BCAP29: variants seen among roughly 807,000 people sequenced by gnomAD.
BCAP29 encodes the protein B-cell receptor-associated protein 29.
BCAP29 carries 34 observed loss-of-function variants against 31.8 expected under a neutral mutation model. The observed-to-expected ratio is 1.07, with a 90% CI of 0.81 to 1.42. BCAP29 has a LOEUF of 1.42. Ranked by LOEUF, BCAP29 falls within the 40% of genes most tolerant of loss-of-function variation. The pLI is 0.00. For synonymous variants in BCAP29, 104 were observed against 91.3 expected, an observed-to-expected ratio of 1.14 and a Z score of -0.79; for missense variants, 314 against 269.2, an observed-to-expected ratio of 1.17 and a Z score of -1.16.
At chr7:107,607,527 C>T (rs1025655469) in intron 6 of BCAP29, among the ~76,000 whole-genome samples, 4 of 151,994 alleles carry the variant, frequency 2.6e-5, no homozygotes, top group African/African-American at 9.7e-5. Flanking sequence ...ATAACTTTTA[C>T]TATATCATAT....
At chr7:107,585,786 T>G (rs2129214529) in intron 3 of BCAP29, among the ~76,000 whole-genome samples, 1 of 152,208 alleles carries the variant, frequency 6.6e-6, no homozygotes, top group East Asian at 1.9e-4. Flanking sequence ...AGGTCAGGAA[T>G]TCCAGACCAG....
intron 6 of BCAP29, among the ~76,000 whole-genome samples, chr7:107,610,567 A>T (rs1202948018): frequency 6.6e-6 from 1 of 152,222 alleles, no homozygotes; most frequent in South Asian, 2.1e-4. Flanking sequence ...GTGTCTAGAC[A>T]ATAATAGCCT....
chr7:107,607,608 C>G lies in BCAP29; in HGVS notation c.590-5724C>G, dbSNP rs181419945. On this transcript the variant is annotated intron_variant, in intron 6 of 7. Coordinates refer to ENST00000005259, the MANE Select transcript of BCAP29 (RefSeq NM_018844.4). ...TCTTTCCTGTATTGATACCCTCTTT[C>G]CTGAATTCCATGTTTTCTTTCTTTT... is the stretch of plus-strand genomic sequence containing the variant. 1.2e-3 allele frequency among the ~76,000 whole-genome samples: 186 copies of G among 151,392 alleles called. 2 individuals carry two copies. Among genetic ancestry groups the G allele is most frequent in the African/African-American group, 4.3e-3 (177 of 41,294 alleles).
At chr7:107,593,340 C>T (rs769861346) in intron 3 of BCAP29, among the ~76,000 whole-genome samples, 5 of 152,140 alleles carry the variant, frequency 3.3e-5, no homozygotes, top group Non-Finnish European at 5.9e-5. Context: ...GAAGTGGTTC[C>T]CCTGCATCTG....
chr7:107,593,879 C>A (rs2129233448), intron 3 of BCAP29, 76 bp from the exon 4 acceptor site: 1 of 1,440,794 alleles, frequency 6.9e-7, no homozygotes, highest in Non-Finnish European at 9.3e-7. Flanking sequence ...GTCAGTTTTT[C>A]TAAAACTGCT....
intron 5 of BCAP29, among the ~76,000 whole-genome samples, chr7:107,598,319 C>G (rs1810218565): frequency 6.6e-6 from 1 of 152,040 alleles, no homozygotes; most frequent in East Asian, 1.9e-4. Flanking sequence ...TTGTGCTGCT[C>G]TTTACAAAAA....
At chr7:107,583,031 CTG>C (rs1481034158) in intron 2 of BCAP29, among the ~76,000 whole-genome samples, 4 of 152,142 alleles carry the variant, frequency 2.6e-5, no homozygotes, top group Non-Finnish European at 2.9e-5. Context: ...TAAAGTGAAA[CTG>C]TTTTTTTCAA....
chr7:107,598,434 A>G (rs1810248626), intron 5 of BCAP29, among the ~76,000 whole-genome samples: 1 of 152,170 alleles, frequency 6.6e-6, no homozygotes, highest in Admixed American at 6.5e-5. Flanking sequence ...TAATATATGC[A>G]TTAGAGCTTT....
intron 4 of BCAP29, among the ~76,000 whole-genome samples, chr7:107,595,486 G>C: frequency 6.6e-6 from 1 of 152,132 alleles, no homozygotes; most frequent in African/African-American, 2.4e-5. Flanking sequence ...CTGTTCTTCG[G>C]CTTGTTTGAC....
chr7:107,594,534 C>T (rs1809458123), intron 4 of BCAP29, among the ~76,000 whole-genome samples: 1 of 151,320 alleles, frequency 6.6e-6, no homozygotes, highest in Non-Finnish European at 1.5e-5. Context: ...TGGAGTCTCG[C>T]TTTGTCGCCC....
intron 6 of BCAP29, among the ~76,000 whole-genome samples, chr7:107,604,013 A>G (rs1057121268): frequency 6.6e-6 from 1 of 152,124 alleles, no homozygotes; most frequent in African/African-American, 2.4e-5. Flanking sequence ...AGGATAAAGC[A>G]AACTTTAAAT....
intron 3 of BCAP29, among the ~76,000 whole-genome samples, chr7:107,588,447 T>C (rs1315188541): frequency 6.6e-6 from 1 of 152,180 alleles, no homozygotes; most frequent in Non-Finnish European, 1.5e-5. Flanking sequence ...GTTAAAGACA[T>C]AGGAGTCTGG....
At chr7:107,612,954 TG>T (rs1416232584) in intron 6 of BCAP29, among the ~76,000 whole-genome samples, 3 of 152,062 alleles carry the variant, frequency 2.0e-5, no homozygotes, top group Non-Finnish European at 4.4e-5. Flanking sequence ...GTGGAGAAAA[TG>T]CTTAAAGGAC....
chr7:107,612,422 T>TAG (rs1813351850), intron 6 of BCAP29, among the ~76,000 whole-genome samples: 2 of 45,430 alleles, frequency 4.4e-5, no homozygotes, highest in African/African-American at 9.6e-5. Flanking sequence ...TATATATATA[T>TAG]ATATATATAT....
chr7:107,621,712 A>G (rs1369090602), downstream of BCAP29: 1 of 472,182 alleles, frequency 2.1e-6, no homozygotes, highest in Non-Finnish European at 4.4e-6. Context: ...GAGCCGCAGC[A>G]AAGGAATGCT....
intron 6 of BCAP29, among the ~76,000 whole-genome samples, chr7:107,606,268 T>C (rs1214649358): frequency 1.3e-5 from 2 of 152,244 alleles, no homozygotes; most frequent in Non-Finnish European, 2.9e-5. Flanking sequence ...TTTTCTCTTT[T>C]GTAAAATGAG....
intron 6 of BCAP29, among the ~76,000 whole-genome samples, chr7:107,608,771 A>C (rs1426782457): frequency 1.3e-5 from 2 of 152,216 alleles, no homozygotes; most frequent in Non-Finnish European, 2.9e-5. Flanking sequence ...TATCAAGATT[A>C]CTATCAGGTG....
At position 107,618,636 on chromosome 7, in the gene BCAP29, C is replaced by A; in HGVS notation, c.*273C>A. 6.9e-7 allele frequency: 1 copy of A among 1,447,132 alleles called. No individual in the cohort carries two copies. The highest frequency in any genetic ancestry group is 1.5e-5 in the South Asian group (1 of 66,598). 89.6% of individuals were successfully genotyped at this position (1,447,132 alleles called of 1,614,324 possible). ...TCATTGGTATATGGTGGCTGTTTAC[C>A]AATAAAAGGAAAAAATTCATTAACC... On this transcript the variant is annotated 3_prime_UTR_variant, in exon 8 of 8. Coordinates refer to ENST00000005259, the MANE Select transcript of BCAP29 (RefSeq NM_018844.4).
rs1367898670 is a variant in BCAP29, at chr7:107,619,930, C to G, written c.*1567C>G. The stretch of plus-strand genomic sequence containing the variant: ...TTATCACTTATTTAGCCATGCTAGC[C>G]TAGGCCTCTATTTCCTTGTCTCCAA... On this transcript the variant is annotated 3_prime_UTR_variant, in exon 8 of 8. Transcript: ENST00000005259. The G allele has an allele frequency of 1.3e-5, 2 of 152,148 alleles. No homozygotes were observed. Among genetic ancestry groups the G allele is most frequent in the East Asian group, 1.9e-4 (1 of 5,196 alleles). The allele number at this position is 152,148 out of a possible 1,614,324, so 9.4% of individuals were successfully genotyped here.
Sources: allele counts gnomAD v4.1 joint callset (sites outside exome capture counted in the v4.1 genomes callset), GRCh38; gene constraint gnomAD v4.1.1; transcripts MANE v1.5; gene names NCBI Gene and HGNC (gene_info 2026-07-23, HGNC 2026-07-21).